Variants in LRRC4C observed in about 807,000 individuals in gnomAD.
The protein encoded by LRRC4C is leucine rich repeat containing 4C.
A neutral mutation model predicts 33.6 loss-of-function variants in LRRC4C; 5 were observed. The ratio of observed to expected loss-of-function variants is 0.15; its 90% confidence interval spans 0.08 to 0.31. The LOEUF is 0.31. Ranked by LOEUF, LRRC4C falls within the 10% of genes least tolerant of loss-of-function variation. LRRC4C has a pLI of 1.00. For synonymous variants in LRRC4C, 329 were observed against 302.0 expected (o/e 1.09, Z -0.93); for missense variants, 560 against 796.7 (o/e 0.70, Z 3.58).
chr11:40,524,594 T>TA (rs1336717449), intron 3 of LRRC4C, among the ~76,000 whole-genome samples: 1 of 152,136 alleles, frequency 6.6e-6, no homozygotes, highest in Non-Finnish European at 1.5e-5. Context: ...TTTATATTCT[T>TA]AAAAAAAGGT....
chr11:41,386,133 A>G (rs1200032453), intron 1 of LRRC4C, among the ~76,000 whole-genome samples: 3 of 151,634 alleles, frequency 2.0e-5, no homozygotes, highest in Admixed American at 6.6e-5. Flanking sequence ...AATACTGTTT[A>G]TTCCATTTGA....
chr11:41,268,815 A>C (rs912875636), intron 1 of LRRC4C, among the ~76,000 whole-genome samples: 6 of 152,100 alleles, frequency 3.9e-5, no homozygotes, highest in African/African-American at 1.4e-4. Flanking sequence ...GTACTTTGAA[A>C]AAAGAAAATA....
intron 2 of LRRC4C, among the ~76,000 whole-genome samples, chr11:40,742,301 T>C (rs1227445048): frequency 6.6e-6 from 1 of 152,052 alleles, no homozygotes; most frequent in East Asian, 1.9e-4. Context: ...TTAGTTCTTC[T>C]TGTTTCCAGA....
intron 2 of LRRC4C, among the ~76,000 whole-genome samples, chr11:40,926,005 G>A (rs1166416864): frequency 6.6e-6 from 1 of 151,114 alleles, no homozygotes; most frequent in Non-Finnish European, 1.5e-5. Flanking sequence ...AAGCTTTACT[G>A]TTAACAGTTC....
At chr11:41,289,542 CA>C (rs1367195995) in intron 1 of LRRC4C, among the ~76,000 whole-genome samples, 1 of 152,094 alleles carries the variant, frequency 6.6e-6, no homozygotes, top group African/African-American at 2.4e-5. Flanking sequence ...GAAGACATGG[CA>C]GAGAGTTCTC....
In LRRC4C at chr11:40,115,459, A is replaced by T; in HGVS notation, c.834T>A (p.Asn278Lys). The change falls in exon 7 of 7, where the codon AAT becomes AAA. Residue 278 changes from asparagine to lysine, a missense_variant. This residue lies in a region of LRRC4C where 455 missense variants were observed against 643.8 expected (regional missense o/e 0.71). Transcript: ENST00000528697. This position sits in a 1 kb window ranked among gnomAD's most constrained non-coding sequence, Gnocchi z 6.7. Reference protein sequence around the residue: ...SLVEINLAHNNLTLLPHDLFT... With the variant: ...SLVEINLAHNKLTLLPHDLFT... ...AGAGGTCATGAGGCAGTAATGTTAG[A>T]TTATTGTGTGCCAGGTTGATCTCCA... 6.2e-7 allele frequency: 1 copy of T among 1,614,162 alleles called. No individual in the cohort carries two copies. The highest frequency in any genetic ancestry group is 8.5e-7 in the Non-Finnish European group (1 of 1,180,026).
rs56879078 is a variant in LRRC4C at position 40,936,014 on chromosome 11, TTATATATATATATATATA to T, written c.-495-2309_-495-2292del. ...AAAACTACTAAAAAGATGCCAAATT[TTATATATATATATATATA>T]TATATATATATATATATATATATAT... On this transcript the variant is annotated intron_variant, in intron 1 of 6. Transcript: ENST00000528697. Among the ~76,000 whole-genome samples, 73 of 49,308 alleles carry T rather than the reference TTATATATATATATATATA, an allele frequency of 1.5e-3. 2 individuals carry two copies. The highest frequency in any genetic ancestry group is 8.5e-3 in the East Asian group (12 of 1,410). The allele number at this position is 49,308 out of a possible 152,430, so 32.3% of individuals were successfully genotyped here.
rs144295664 is a variant in LRRC4C at position 41,010,689 on chromosome 11, G to T, written c.-495-76966C>A. On this transcript the variant is annotated intron_variant, in intron 1 of 6. Transcript: ENST00000528697. The stretch of plus-strand genomic sequence containing the variant: ...AGCAAGTGAAATCATATTTTTGAGA[G>T]AGATTAGAAAGTAAATAAATGGTGG... 4.8e-3 allele frequency among the ~76,000 whole-genome samples: 736 copies of T among 152,302 alleles called. 6 individuals carry two copies. The highest frequency in any genetic ancestry group is 0.017 in the African/African-American group (705 of 41,564).
chr11:41,177,415 G>C (rs1945254397), intron 1 of LRRC4C, among the ~76,000 whole-genome samples: 1 of 152,098 alleles, frequency 6.6e-6, no homozygotes, highest in African/African-American at 2.4e-5. Context: ...ATTCATTTCA[G>C]TACCTCTAGG....
intron 1 of LRRC4C, among the ~76,000 whole-genome samples, chr11:41,076,476 G>C (rs1590452856): frequency 6.6e-6 from 1 of 152,188 alleles, no homozygotes; most frequent in East Asian, 1.9e-4. Context: ...TGGTGGAGCA[G>C]GAGAGCGAGA....
intron 5 of LRRC4C, among the ~76,000 whole-genome samples, chr11:40,198,893 G>A (rs1183063022): frequency 6.6e-6 from 1 of 152,150 alleles, no homozygotes; most frequent in Non-Finnish European, 1.5e-5. Flanking sequence ...TTCTCTAGAA[G>A]TTCCCCCCAG....
chr11:40,354,476 G>A (rs1718533464), intron 3 of LRRC4C, among the ~76,000 whole-genome samples: 1 of 152,116 alleles, frequency 6.6e-6, no homozygotes, highest in South Asian at 2.1e-4. Context: ...TCGGAGCCAG[G>A]GCCTGTACTC....
Position 41,329,589 on chromosome 11 carries a change from A to G in LRRC4C, c.-496+129842T>C, listed in dbSNP as rs117001901. On this transcript the variant is annotated intron_variant, in intron 1 of 6. Transcript: ENST00000528697. ...AATATGTCTCCCTTTCTTTATATTC[A>G]TGATTACTGCCTTAGTTTCAGTCTC... Among the ~76,000 whole-genome samples, 717 of 152,218 alleles carry G rather than the reference A, an allele frequency of 4.7e-3. 4 individuals are homozygous for G. The highest frequency in any genetic ancestry group is 8.9e-3 in the Non-Finnish European group (606 of 68,018).
intron 1 of LRRC4C, among the ~76,000 whole-genome samples, chr11:40,940,281 G>C (rs1410894110): frequency 6.6e-6 from 1 of 152,110 alleles, no homozygotes; most frequent in African/African-American, 2.4e-5. Flanking sequence ...CACGTAGTAT[G>C]TACCAAACAA....
intron 2 of LRRC4C, among the ~76,000 whole-genome samples, chr11:40,773,250 A>C (rs1276741580): frequency 6.8e-6 from 1 of 147,536 alleles, no homozygotes. Flanking sequence ...TAATGGGTAC[A>C]AAAGTATAGT....
In LRRC4C at chr11:40,707,622, T is replaced by C. The variant is rs572619596; in HGVS notation, c.-406-59344A>G. Among the ~76,000 whole-genome samples, 8 of 152,330 alleles carry C rather than the reference T, an allele frequency of 5.3e-5. No individual in the cohort carries two copies. In the East Asian group the frequency reaches 7.7e-4, roughly 15 times the overall value. ...CTGGATTTGGTTTGCCAGTATTTTA[T>C]TGAGGATTTTTGCATCGATGTTCAT... On this transcript the variant is annotated intron_variant, in intron 2 of 6. Coordinates refer to ENST00000528697, the MANE Select transcript of LRRC4C (RefSeq NM_001258419.2).
intron 3 of LRRC4C, among the ~76,000 whole-genome samples, chr11:40,639,161 T>C (rs1241520290): frequency 7.1e-6 from 1 of 139,932 alleles, no homozygotes; most frequent in Non-Finnish European, 1.5e-5. Context: ...GTTAAGGTTG[T>C]TGAAAAAAAA....
At chr11:41,039,773 A>G (rs1180504014) in intron 1 of LRRC4C, among the ~76,000 whole-genome samples, 1 of 152,140 alleles carries the variant, frequency 6.6e-6, no homozygotes, top group African/African-American at 2.4e-5. Flanking sequence ...AGCTTACCAC[A>G]GAAACTACTT....
chr11:40,963,052 T>A (rs1851080936), intron 1 of LRRC4C, among the ~76,000 whole-genome samples: 1 of 151,678 alleles, frequency 6.6e-6, no homozygotes, highest in Non-Finnish European at 1.5e-5. Flanking sequence ...CTATAGACAG[T>A]TTTACAAAAG....
Sources: gnomAD v4.1 joint callset for allele counts (sites outside exome capture counted in the v4.1 genomes callset) on GRCh38, gnomAD v4.1.1 for gene constraint, gnomAD v4.1.1 regional missense constraint, Gnocchi (gnomAD v3.1) non-coding constraint, MANE v1.5 for transcripts, NCBI Gene and HGNC (gene_info 2026-07-23, HGNC 2026-07-21) for gene names.